ARID5B: variants seen among roughly 807,000 people sequenced by gnomAD.
ARID5B encodes AT-rich interactive domain-containing protein 5B.
A neutral mutation model predicts 97.2 loss-of-function variants in ARID5B; 13 were observed. That is an observed-to-expected ratio of 0.13 (90% CI 0.09 to 0.21). The LOEUF is 0.21. Among genes scored for constraint, ARID5B ranks in the 10% least tolerant of loss-of-function variants. ARID5B has a pLI of 1.00. For synonymous variants in ARID5B, 556 were observed against 570.3 expected (o/e 0.97, Z 0.36); for missense variants, 1,210 against 1,465.3 (o/e 0.83, Z 2.84).
chr10:61,938,537 C>G (rs932911387), intron 2 of ARID5B, among the ~76,000 whole-genome samples: 3 of 152,224 alleles, frequency 2.0e-5, no homozygotes, highest in South Asian at 2.1e-4. Flanking sequence ...CATGAAATAG[C>G]TATAAAATGC....
chr10:62,049,262 CACACACT>C, intron 4 of ARID5B: 1 of 1,415,472 alleles, frequency 7.1e-7, no homozygotes, highest in Non-Finnish European at 9.2e-7. Flanking sequence ...AGGCTCATCC[CACACACT>C]CGGTGCTAGT....
At chr10:62,018,798 T>A (rs1038299110) in intron 4 of ARID5B, among the ~76,000 whole-genome samples, 16 of 152,192 alleles carry the variant, frequency 1.1e-4, no homozygotes, top group Non-Finnish European at 2.1e-4. Context: ...TGTGTTGCTA[T>A]ATTTACAGTT....
At chr10:61,936,472 G>C (rs1027499426) in intron 2 of ARID5B, among the ~76,000 whole-genome samples, 1 of 152,156 alleles carries the variant, frequency 6.6e-6, no homozygotes, top group African/African-American at 2.4e-5. Flanking sequence ...ACAAAGATTA[G>C]CCAGGCGTGA....
intron 3 of ARID5B, among the ~76,000 whole-genome samples, chr10:61,957,272 T>TTTG (rs758152626): frequency 5.9e-5 from 9 of 152,204 alleles, no homozygotes; most frequent in Non-Finnish European, 1.3e-4. Context: ...GTCTTGTTTT[T>TTTG]TTGTTGTTGT....
intron 7 of ARID5B, among the ~76,000 whole-genome samples, chr10:62,068,346 G>A (rs1232466306): frequency 3.9e-5 from 6 of 152,078 alleles, no homozygotes; most frequent in Admixed American, 3.9e-4. Context: ...ATGGGAAATT[G>A]AATGATGCAC....
chr10:61,965,603 G>A (rs1230703415), intron 3 of ARID5B, among the ~76,000 whole-genome samples: 5 of 151,992 alleles, frequency 3.3e-5, no homozygotes, highest in Admixed American at 6.6e-5. Context: ...GTGCATATAC[G>A]TCAATTCAGA....
chr10:61,983,575 A>G (rs1284069899), intron 3 of ARID5B, among the ~76,000 whole-genome samples: 1 of 152,162 alleles, frequency 6.6e-6, no homozygotes, highest in Non-Finnish European at 1.5e-5. Flanking sequence ...CACCTATTAT[A>G]TAGATGTTCT....
chr10:61,939,203 G>A (rs1844357720), intron 2 of ARID5B, among the ~76,000 whole-genome samples: 1 of 152,110 alleles, frequency 6.6e-6, no homozygotes, highest in African/African-American at 2.4e-5. Flanking sequence ...CTTCAGAAAT[G>A]TGAAATAAAA....
intron 3 of ARID5B, among the ~76,000 whole-genome samples, chr10:61,995,494 G>A (rs1273745611): frequency 6.6e-6 from 1 of 152,146 alleles, no homozygotes; most frequent in Non-Finnish European, 1.5e-5. Context: ...TTTTATAGCT[G>A]TATCAGAAGG....
At chr10:61,961,137 C>T (rs968098202) in intron 3 of ARID5B, among the ~76,000 whole-genome samples, 36 of 152,134 alleles carry the variant, frequency 2.4e-4, no homozygotes, top group East Asian at 1.9e-4. Flanking sequence ...TAGTTCTTGC[C>T]ATACCAATAA....
chr10:61,926,874 T>C (rs1281786375), intron 2 of ARID5B, among the ~76,000 whole-genome samples: 2 of 152,184 alleles, frequency 1.3e-5, no homozygotes, highest in East Asian at 3.9e-4. Flanking sequence ...TCTGCCCGCC[T>C]CGGCCTCCCA....
At chr10:61,985,702 T>C (rs1251484665) in intron 3 of ARID5B, among the ~76,000 whole-genome samples, 1 of 152,146 alleles carries the variant, frequency 6.6e-6, no homozygotes, top group Non-Finnish European at 1.5e-5. Flanking sequence ...TTTTTGAGGA[T>C]ACAATGGGTG....
chr10:61,984,460 G>T (rs1838819299), intron 3 of ARID5B, among the ~76,000 whole-genome samples: 1 of 152,214 alleles, frequency 6.6e-6, no homozygotes, highest in African/African-American at 2.4e-5. Flanking sequence ...GATGCTGCTT[G>T]CATGGTCTCT....
intron 4 of ARID5B, among the ~76,000 whole-genome samples, chr10:62,004,515 A>G (rs1041277731): frequency 2.6e-5 from 4 of 152,310 alleles, no homozygotes; most frequent in Admixed American, 6.5e-5. Flanking sequence ...TTTTTTCTTC[A>G]TAAGAATCTT....
chr10:62,091,685 C>G lies in ARID5B; in HGVS notation c.2222C>G (p.Thr741Ser), dbSNP rs2132985762. 3 of 1,614,198 alleles carry G rather than the reference C, an allele frequency of 1.9e-6. No homozygotes were observed. The highest frequency in any genetic ancestry group is 1.7e-6 in the Non-Finnish European group (2 of 1,180,032). Residue 741 changes from threonine to serine, a missense_variant, in exon 10 of 10, where the codon ACT becomes AGT. Thr to Ser is a moderately conservative substitution (Grantham distance 58). Around this residue, in one of 8 missense-constraint regions of ARID5B, gnomAD observed 800 missense variants for 839.1 expected, o/e 0.95. Coordinates refer to ENST00000279873, the MANE Select transcript of ARID5B (RefSeq NM_032199.3). ...TCCCAGACCCACCATGGCCAAAGCACTGACCATATGGCGGTCAGCCGGCCA... is the reference window on the plus strand; with the variant it reads ...TCCCAGACCCACCATGGCCAAAGCAGTGACCATATGGCGGTCAGCCGGCCA... ...SLSQTHHGQS[T>S]DHMAVSRPSV... is the part of the protein sequence containing the mutation.
chr10:61,999,785 C>T (rs1415057693), intron 3 of ARID5B, among the ~76,000 whole-genome samples: 1 of 152,160 alleles, frequency 6.6e-6, no homozygotes, highest in Non-Finnish European at 1.5e-5. Context: ...AATGAAGATT[C>T]TTTCAAAACA....
At chr10:61,929,342 C>G (rs868190206) in intron 2 of ARID5B, among the ~76,000 whole-genome samples, 1 of 152,164 alleles carries the variant, frequency 6.6e-6, no homozygotes, top group Non-Finnish European at 1.5e-5. Flanking sequence ...TGTTCCATCC[C>G]CTCCCTGCCA....
At chr10:61,930,637 G>A (rs963823605) in intron 2 of ARID5B, among the ~76,000 whole-genome samples, 3 of 151,816 alleles carry the variant, frequency 2.0e-5, no homozygotes, top group South Asian at 2.1e-4. Flanking sequence ...GGAGAATGGC[G>A]TGAACCCGGG....
Position 62,091,231 on chromosome 10 carries a change from C to A in ARID5B, c.1768C>A (p.Pro590Thr). 6.2e-7 allele frequency: 1 copy of A among 1,614,102 alleles called. No individual in the cohort carries two copies. The highest frequency in any genetic ancestry group is 1.1e-5 in the South Asian group (1 of 91,068). Residue 590 changes from proline (P) to threonine (T), a missense_variant, in exon 10 of 10, where the codon CCC becomes ACC. Pro to Thr is a conservative substitution (Grantham distance 38). Around this residue, in one of 8 missense-constraint regions of ARID5B, gnomAD observed 800 missense variants for 839.1 expected, o/e 0.95. Transcript: ENST00000279873. ...TTTTACAGAGAGCCCTGAAAGTGAA[C>A]CCCAAGAAGCATCCTTCCCCAGCTT... ...CCFTESPESE[P>T]QEASFPSFPT...
Sources: allele counts gnomAD v4.1 joint callset (sites outside exome capture counted in the v4.1 genomes callset), GRCh38; gene constraint gnomAD v4.1.1; regional missense constraint gnomAD v4.1.1; transcripts MANE v1.5; gene names NCBI Gene and HGNC (gene_info 2026-07-23, HGNC 2026-07-21).